The following XYLT1 variants were observed in gnomAD, a reference collection of about 807,000 sequenced individuals.
XYLT1 encodes xylosyltransferase 1.
Under a neutral mutation model 91.3 loss-of-function variants are expected in XYLT1, and 36 were observed. That is an observed-to-expected ratio of 0.39 (90% CI 0.30 to 0.52). XYLT1 has a LOEUF of 0.52. Among genes scored for constraint, XYLT1 ranks in the 20% least tolerant of loss-of-function variants. The probability of loss-of-function intolerance (pLI) is 0.68; values close to 1 mark genes in which losing one functional copy is unlikely to be tolerated. For missense variants in XYLT1, 1,242 were observed against 1,284.5 expected (o/e 0.97, Z 0.51); for synonymous variants, 588 against 532.0 (o/e 1.11, Z -1.45).
At position 17,348,813 on chromosome 16, in the gene XYLT1, C is replaced by T. The variant is rs543728071; in HGVS notation, c.402+9199G>A. Among the ~76,000 whole-genome samples the T allele has an allele frequency of 7.4e-4, 113 of 152,322 alleles. 1 individual carries two copies. In the South Asian group the frequency reaches 0.022, roughly 29 times the overall value. ...AAACCCAGCCTGAACATTCTAGCAT[C>T]GAAACCTTCTCTTTTAAGCTCCGCA... is the stretch of plus-strand genomic sequence containing the variant. On this transcript the variant is annotated intron_variant, in intron 2 of 11. Transcript: ENST00000261381.
intron 11 of XYLT1, among the ~76,000 whole-genome samples, chr16:17,117,116 T>C (rs912594633): frequency 5.9e-5 from 9 of 152,192 alleles, no homozygotes; most frequent in Admixed American, 4.6e-4. Flanking sequence ...GGTGACTGTG[T>C]TCCAATAAAA....
At chr16:17,426,600 G>A (rs1042201658) in intron 1 of XYLT1, among the ~76,000 whole-genome samples, 19 of 152,258 alleles carry the variant, frequency 1.2e-4, no homozygotes, top group African/African-American at 4.3e-4. Flanking sequence ...GCAGAGATTA[G>A]CAAACTTTGA....
intron 3 of XYLT1, among the ~76,000 whole-genome samples, chr16:17,222,870 G>A (rs921845029): frequency 6.6e-6 from 1 of 150,846 alleles, no homozygotes; most frequent in African/African-American, 2.4e-5. Context: ...ATTTTCAGGG[G>A]CCCTCTGGCA....
chr16:17,454,593 G>A (rs577268439), intron 1 of XYLT1, among the ~76,000 whole-genome samples: 2 of 150,746 alleles, frequency 1.3e-5, no homozygotes, highest in African/African-American at 4.9e-5. Context: ...CTGAAGTACA[G>A]TGGCACAATC....
chr16:17,247,977 G>A (rs2141743691), intron 3 of XYLT1, among the ~76,000 whole-genome samples: 1 of 152,288 alleles, frequency 6.6e-6, no homozygotes, highest in South Asian at 2.1e-4. Context: ...GAGGATGTGA[G>A]ACCTGCCCCC....
At chr16:17,209,178 A>G (rs980242034) in intron 3 of XYLT1, among the ~76,000 whole-genome samples, 3 of 152,150 alleles carry the variant, frequency 2.0e-5, no homozygotes, top group African/African-American at 7.2e-5. Context: ...CCCCTCCTTC[A>G]GCTCCTGGAA....
chr16:17,219,296 A>G (rs1445320594), intron 3 of XYLT1, among the ~76,000 whole-genome samples: 7 of 137,868 alleles, frequency 5.1e-5, no homozygotes, highest in Non-Finnish European at 8.9e-5. Context: ...AAAAAAAAAA[A>G]AAAAAGAAAA....
chr16:17,185,848 A>G (rs2032171994), intron 5 of XYLT1, among the ~76,000 whole-genome samples: 1 of 152,096 alleles, frequency 6.6e-6, no homozygotes, highest in South Asian at 2.1e-4. Context: ...TAAAAATACA[A>G]AAATCAGCCA....
At chr16:17,258,077 T>C (rs1446179630) in intron 3 of XYLT1, among the ~76,000 whole-genome samples, 1 of 151,576 alleles carries the variant, frequency 6.6e-6, no homozygotes, top group African/African-American at 2.4e-5. Context: ...AGCTGGTTTA[T>C]CATCAGGTCA....
At chr16:17,441,949 A>T (rs2141942204) in intron 1 of XYLT1, among the ~76,000 whole-genome samples, 1 of 152,308 alleles carries the variant, frequency 6.6e-6, no homozygotes, top group Non-Finnish European at 1.5e-5. Context: ...GAGTACCCAG[A>T]TAGTCAGTCA....
intron 1 of XYLT1, among the ~76,000 whole-genome samples, chr16:17,468,790 C>T (rs1369203401): frequency 1.3e-5 from 2 of 152,158 alleles, no homozygotes; most frequent in Non-Finnish European, 2.9e-5. Context: ...AAGCCCCAGG[C>T]TTCCCCCACC....
chr16:17,125,933 T>G (rs2380084), intron 10 of XYLT1, among the ~76,000 whole-genome samples: 132,899 of 152,114 alleles, frequency 0.87, 59,278 homozygotes, highest in Non-Finnish European at 0.96. Context: ...GATTCCCATG[T>G]ATTGGAGAAA....
chr16:17,289,169 T>C (rs2034186275), intron 2 of XYLT1, among the ~76,000 whole-genome samples: 1 of 152,188 alleles, frequency 6.6e-6, no homozygotes, highest in African/African-American at 2.4e-5. Flanking sequence ...AACCCTGCCA[T>C]TGTAGAGTGA....
At chr16:17,253,682 C>T (rs1353450690) in intron 3 of XYLT1, among the ~76,000 whole-genome samples, 1 of 152,072 alleles carries the variant, frequency 6.6e-6, no homozygotes, top group Non-Finnish European at 1.5e-5. Context: ...AGCAACTTGC[C>T]CAAAGTCCTA....
At chr16:17,448,013 A>T (rs1336741825) in intron 1 of XYLT1, among the ~76,000 whole-genome samples, 2 of 152,342 alleles carry the variant, frequency 1.3e-5, no homozygotes, top group East Asian at 3.9e-4. Context: ...TTAAGGAAAC[A>T]TACACATCAA....
intron 1 of XYLT1, among the ~76,000 whole-genome samples, chr16:17,465,060 C>A (rs1469687973): frequency 7.6e-6 from 1 of 131,676 alleles, no homozygotes; most frequent in Non-Finnish European, 1.5e-5. Flanking sequence ...ACAAGAATTG[C>A]TTGAACCTAG....
intron 2 of XYLT1, among the ~76,000 whole-genome samples, chr16:17,290,954 T>TATTATTCATTTA (rs1388328602): frequency 1.3e-5 from 2 of 152,212 alleles, no homozygotes; most frequent in Non-Finnish European, 2.9e-5. Flanking sequence ...TTTATTTATT[T>TATTATTCATTTA]TTGAGACACG....
At chr16:17,211,308 G>A (rs557983197) in intron 3 of XYLT1, among the ~76,000 whole-genome samples, 1 of 152,224 alleles carries the variant, frequency 6.6e-6, no homozygotes, top group Admixed American at 6.5e-5. Flanking sequence ...TACTCAAGCA[G>A]CCCCATCCAT....
intron 2 of XYLT1, among the ~76,000 whole-genome samples, chr16:17,306,440 A>G (rs1226658204): frequency 6.6e-6 from 1 of 152,046 alleles, no homozygotes; most frequent in East Asian, 1.9e-4. Flanking sequence ...GTATACTCCA[A>G]GCTACTCTGG....
Sources: allele counts gnomAD v4.1 joint callset (sites outside exome capture counted in the v4.1 genomes callset), GRCh38; gene constraint gnomAD v4.1.1; transcripts MANE v1.5; gene names NCBI Gene and HGNC (gene_info 2026-07-23, HGNC 2026-07-21).